INSR: variants seen among roughly 807,000 people sequenced by gnomAD.
INSR encodes the protein IR.
INSR carries 67 observed loss-of-function variants against 142.6 expected under a neutral mutation model. The observed-to-expected ratio is 0.47, with a 90% CI of 0.39 to 0.58. The LOEUF is 0.58. INSR is among the 20% of genes least tolerant of loss of function. INSR has a pLI of 0.00. For missense variants in INSR, 1,248 were observed against 1,833.2 expected, an observed-to-expected ratio of 0.68 and a Z score of 5.83; for synonymous variants, 756 against 743.1, an observed-to-expected ratio of 1.02 and a Z score of -0.28.
rs10673049 is a variant in INSR, at chr19:7,139,821, C to CTTTTT, written c.2682+1851_2682+1855dup. Among the ~76,000 whole-genome samples the CTTTTT allele has an allele frequency of 6.7e-4, 78 of 115,632 alleles. 1 individual carries two copies. The highest frequency in any genetic ancestry group is 7.7e-4 in the Non-Finnish European group (46 of 60,112). The allele number at this position is 115,632 out of a possible 152,430, so 75.9% of individuals were successfully genotyped here. A position where few individuals can be genotyped will look rare whatever the true frequency, so the allele number is the denominator to read the frequency against. On this transcript the variant is annotated intron_variant, in intron 13 of 21. Coordinates refer to ENST00000302850, the MANE Select transcript of INSR (RefSeq NM_000208.4). ...CCACATATAGTCTCTGTTGCGTATT[C>CTTTTT]TTTTTTTTTTTTTTTTTTTTGAGAC...
intron 9 of INSR, among the ~76,000 whole-genome samples, chr19:7,155,326 G>C (rs1000639875): frequency 3.9e-5 from 6 of 152,074 alleles, no homozygotes; most frequent in African/African-American, 1.2e-4. Context: ...CTTGAGGTCA[G>C]GAGTTCGAGA....
In INSR at chr19:7,170,754, A is replaced by G. The variant is rs763602587; in HGVS notation, c.1269-3T>C. 7 of 1,611,616 alleles carry G rather than the reference A, an allele frequency of 4.3e-6. No individual in the cohort carries two copies. Among genetic ancestry groups the G allele is most frequent in the South Asian group, 2.2e-5 (2 of 91,038 alleles). On this transcript the variant is annotated splice_polypyrimidine_tract_variant and splice_region_variant and intron_variant, in intron 5 of 21. Coordinates refer to ENST00000302850, the MANE Select transcript of INSR (RefSeq NM_000208.4). ...CCAAGGCATAGAAGGAGTAGTTCCT[A>G]TGGAAAAAACACACACATCTAGTCA...
chr19:7,128,370 C>T (rs544790125), intron 15 of INSR, among the ~76,000 whole-genome samples: 192 of 151,998 alleles, frequency 1.3e-3, no homozygotes, highest in African/African-American at 4.4e-3. Flanking sequence ...CACCACCATG[C>T]CCGGTTAATT....
intron 2 of INSR, among the ~76,000 whole-genome samples, chr19:7,201,593 C>G (rs1200808450): frequency 2.0e-5 from 3 of 151,604 alleles, no homozygotes; most frequent in Non-Finnish European, 4.4e-5. Flanking sequence ...CCACTGCACT[C>G]CAGCCTGGGC....
intron 2 of INSR, among the ~76,000 whole-genome samples, chr19:7,207,932 G>GGAAGGAAGGAAA (rs1975153933): frequency 7.6e-6 from 1 of 131,890 alleles, no homozygotes; most frequent in Admixed American, 7.7e-5. Flanking sequence ...AAGGAAGGAA[G>GGAAGGAAGGAAA]GAAGGAAGGG....
At position 7,250,028 on chromosome 19, in the gene INSR, A is replaced by G. The variant is rs183745098; in HGVS notation, c.652+17317T>C. Among the ~76,000 whole-genome samples, 502 of 152,040 alleles carry G rather than the reference A, an allele frequency of 3.3e-3. 2 individuals carry two copies. The highest frequency in any genetic ancestry group is 5.8e-3 in the Non-Finnish European group (392 of 67,978). On this transcript the variant is annotated intron_variant, in intron 2 of 21. Transcript: ENST00000302850. ...AAATAAAATAACTGGGCATGGTGACAGGGGCCTGTAGTCCCAACTACTCTG... is the reference window on the plus strand; with the variant it reads ...AAATAAAATAACTGGGCATGGTGACGGGGGCCTGTAGTCCCAACTACTCTG...
In INSR at chr19:7,150,430, G is replaced by A. The variant is rs1159813471; in HGVS notation, c.2267+67C>T. The stretch of plus-strand genomic sequence containing the variant: ...CACAGAAACCCCTGGGTTCTCCGAG[G>A]CATCTGCCTGGCACGCCGCCGGCCC... On this transcript the variant is annotated intron_variant, in intron 11 of 21. Coordinates refer to ENST00000302850, the MANE Select transcript of INSR (RefSeq NM_000208.4). This position sits in a 1 kb window ranked among gnomAD's most constrained non-coding sequence, Gnocchi z 4.2. The A allele has an allele frequency of 3.1e-5, 46 of 1,462,432 alleles. No individual in the cohort carries two copies. Among genetic ancestry groups the A allele is most frequent in the Non-Finnish European group, 4.1e-5 (43 of 1,044,968 alleles). The allele number at this position is 1,462,432 out of a possible 1,614,324, so 90.6% of individuals were successfully genotyped here. A position where few individuals can be genotyped will look rare whatever the true frequency, so the allele number is the denominator to read the frequency against.
At chr19:7,201,667 CTT>C (rs570519539) in intron 2 of INSR, among the ~76,000 whole-genome samples, 5 of 127,854 alleles carry the variant, frequency 3.9e-5, no homozygotes, top group African/African-American at 6.2e-5. Flanking sequence ...TATTTTCATT[CTT>C]TTTTTTTTTT....
At chr19:7,131,275 C>A (rs1337123417) in intron 14 of INSR, among the ~76,000 whole-genome samples, 1 of 152,014 alleles carries the variant, frequency 6.6e-6, no homozygotes, top group Non-Finnish European at 1.5e-5. Flanking sequence ...AACGACCTAT[C>A]AGGTACTATG....
intron 15 of INSR, among the ~76,000 whole-genome samples, chr19:7,126,884 T>C (rs570467917): frequency 6.6e-6 from 1 of 152,058 alleles, no homozygotes; most frequent in Non-Finnish European, 1.5e-5. Context: ...GGTGGTTTTT[T>C]TTTTGTTTTG....
intron 2 of INSR, among the ~76,000 whole-genome samples, chr19:7,195,931 CTTTTT>C (rs903162924): frequency 1.8e-5 from 1 of 54,778 alleles, no homozygotes. Context: ...TCTTTTCTTT[CTTTTT>C]TTTTTTTTTT....
At chr19:7,190,631 A>G (rs953800120) in intron 2 of INSR, among the ~76,000 whole-genome samples, 1 of 152,074 alleles carries the variant, frequency 6.6e-6, no homozygotes, top group Non-Finnish European at 1.5e-5. Context: ...TGGCCTCCCA[A>G]AGTGCTGGGA....
intron 11 of INSR, among the ~76,000 whole-genome samples, chr19:7,147,507 GAA>G (rs1973214289): frequency 6.6e-6 from 1 of 152,064 alleles, no homozygotes; most frequent in Non-Finnish European, 1.5e-5. Context: ...ACCAAGAAGT[GAA>G]GTTTTCTGTT....
At chr19:7,170,491 C>T in intron 6 of INSR, 46 bp downstream of exon 6, 2 of 1,469,396 alleles carry the variant, frequency 1.4e-6, no homozygotes, top group Non-Finnish European at 1.9e-6. Flanking sequence ...CCATCTTCCA[C>T]TACACCGGTC....
chr19:7,154,118 A>G (rs776951527), intron 9 of INSR, among the ~76,000 whole-genome samples: 110 of 151,898 alleles, frequency 7.2e-4, no homozygotes, highest in Non-Finnish European at 1.2e-3. Flanking sequence ...CTGAGATGGC[A>G]CCACTGCACT....
At chr19:7,291,745 C>T (rs986217677) in intron 1 of INSR, among the ~76,000 whole-genome samples, 5 of 152,208 alleles carry the variant, frequency 3.3e-5, no homozygotes, top group Non-Finnish European at 5.9e-5. Context: ...CAGGGAACCA[C>T]ACACACGCAC....
chr19:7,190,779 T>C (rs1229952563), intron 2 of INSR, among the ~76,000 whole-genome samples: 1 of 152,180 alleles, frequency 6.6e-6, no homozygotes, highest in Non-Finnish European at 1.5e-5. Flanking sequence ...AAATAAGCTT[T>C]AGTTATGTAT....
intron 2 of INSR, among the ~76,000 whole-genome samples, chr19:7,208,056 T>C (rs2084875240): frequency 6.6e-6 from 1 of 152,096 alleles, no homozygotes; most frequent in Non-Finnish European, 1.5e-5. Flanking sequence ...CCAGCCCTTG[T>C]ACCCCCCAGA....
At chr19:7,182,751 G>T (rs921838493) in intron 3 of INSR, among the ~76,000 whole-genome samples, 6 of 151,958 alleles carry the variant, frequency 3.9e-5, no homozygotes, top group Non-Finnish European at 7.4e-5. Flanking sequence ...TTGTTAAGGT[G>T]AGGGAAAAAT....
Sources: gnomAD v4.1 joint callset for allele counts (sites outside exome capture counted in the v4.1 genomes callset) on GRCh38, gnomAD v4.1.1 for gene constraint, Gnocchi (gnomAD v3.1) non-coding constraint, MANE v1.5 for transcripts, NCBI Gene and HGNC (gene_info 2026-07-23, HGNC 2026-07-21) for gene names.